Variants in BDH1 observed in about 807,000 individuals in gnomAD.
BDH1 encodes 3-hydroxybutyrate dehydrogenase 1, also known as D-beta-hydroxybutyrate dehydrogenase, mitochondrial.
In BDH1, 30 loss-of-function variants were observed where a neutral mutation model predicts 33.1. The ratio of observed to expected loss-of-function variants is 0.91; its 90% CI spans 0.68 to 1.23. The LOEUF (loss-of-function observed/expected upper bound fraction) is 1.23. Among genes scored for constraint, BDH1 ranks in the 50% most tolerant of loss-of-function variants. The pLI is 0.00. For synonymous variants in BDH1, 190 were observed against 183.6 expected, an observed-to-expected ratio of 1.03 and a Z score of -0.28; for missense variants, 443 against 464.4, an observed-to-expected ratio of 0.95 and a Z score of 0.42.
intron 2 of BDH1, among the ~76,000 whole-genome samples, chr3:197,551,523 G>A (rs759010829): frequency 2.0e-5 from 3 of 152,118 alleles, no homozygotes; most frequent in Non-Finnish European, 4.4e-5. Context: ...AAAAAGTGCT[G>A]GAACCAACAT....
At chr3:197,538,035 G>C (rs1300871639) in intron 3 of BDH1, among the ~76,000 whole-genome samples, 2 of 152,168 alleles carry the variant, frequency 1.3e-5, no homozygotes, top group East Asian at 3.8e-4. Flanking sequence ...CTTGGGTCCT[G>C]AGGTCCTTAG....
At chr3:197,534,203 C>T (rs976079674) in intron 3 of BDH1, 2 of 152,210 alleles carry the variant, frequency 1.3e-5, no homozygotes, top group Non-Finnish European at 2.9e-5. Context: ...CACAAGGATC[C>T]TTCATGTTAC....
intron 1 of BDH1, among the ~76,000 whole-genome samples, chr3:197,565,892 G>A (rs1717417761): frequency 6.6e-6 from 1 of 152,198 alleles, no homozygotes; most frequent in Non-Finnish European, 1.5e-5. Context: ...GACTCTCATG[G>A]AGAACTGAAA....
At chr3:197,558,419 A>G (rs907782248), upstream of BDH1, among the ~76,000 whole-genome samples, 1 of 152,202 alleles carries the variant, frequency 6.6e-6, no homozygotes, top group South Asian at 2.1e-4. Flanking sequence ...GATATGTTCT[A>G]TGCAGCTCCT....
upstream of BDH1, among the ~76,000 whole-genome samples, chr3:197,560,467 A>G (rs1484837311): frequency 6.6e-6 from 1 of 152,194 alleles, no homozygotes; most frequent in East Asian, 1.9e-4. Context: ...TTACTAGCCA[A>G]TCAGGACAAA....
At chr3:197,550,335 G>A (rs77001513) in intron 2 of BDH1, among the ~76,000 whole-genome samples, 14,931 of 152,168 alleles carry the variant, frequency 0.098, 884 homozygotes, top group African/African-American at 0.16. Context: ...CGTCCTGAGA[G>A]ACATTCCAGT....
intron 1 of BDH1, among the ~76,000 whole-genome samples, chr3:197,568,650 T>C (rs1431882005): frequency 1.3e-5 from 2 of 152,140 alleles, no homozygotes; most frequent in Non-Finnish European, 2.9e-5. Flanking sequence ...ATTGAGTGTT[T>C]GTTTAAGCAC....
In BDH1 at chr3:197,554,544, AG is replaced by A. The variant is rs1410536857; in HGVS notation, c.-44+17del. On this transcript the variant is annotated intron_variant, in intron 2 of 7. Transcript: ENST00000392379. This position sits in a 1 kb window ranked among gnomAD's most constrained non-coding sequence, Gnocchi z 4.4. ...AGAGCCCGGCTCCAACGCCTCTTGT[AG>A]AAAGAAGGACACTGACCAGGACATT... 1 of 152,218 alleles carries A rather than the reference AG, an allele frequency of 6.6e-6. No individual in the cohort carries two copies. The allele number at this position is 152,218 out of a possible 1,614,324, so 9.4% of individuals were successfully genotyped here. A position where few individuals can be genotyped will look rare whatever the true frequency, so the allele number is the denominator to read the frequency against.
Position 197,514,025 on chromosome 3 carries a change from C to CT in BDH1, c.562+238dup, listed in dbSNP as rs1225856592. 3.9e-6 allele frequency: 2 copies of CT among 511,830 alleles called. No homozygotes were observed. The highest frequency in any genetic ancestry group is 7.4e-5 in the Admixed American group (2 of 27,012). The allele number at this position is 511,830 out of a possible 1,614,324, so 31.7% of individuals were successfully genotyped here. On this transcript the variant is annotated intron_variant, in intron 7 of 7. Transcript: ENST00000392379. This position sits in a 1 kb window ranked among gnomAD's most constrained non-coding sequence, Gnocchi z 4.2. ...GTGCAGAGTGGATGGCTGCTCAACTCTTTAAGCTTTTGCTGCATGGACCAC... is the reference window on the plus strand; with the variant it reads ...GTGCAGAGTGGATGGCTGCTCAACTCTTTTAAGCTTTTGCTGCATGGACCAC...
chr3:197,551,370 A>G (rs1716552528), intron 2 of BDH1, among the ~76,000 whole-genome samples: 1 of 152,238 alleles, frequency 6.6e-6, no homozygotes, highest in Non-Finnish European at 1.5e-5. Flanking sequence ...AATGACCTCC[A>G]GTTCCATCCA....
At position 197,522,981 on chromosome 3, in the gene BDH1, G is replaced by A. The variant is rs1713717948; in HGVS notation, c.268-200C>T. 4 of 585,048 alleles carry A rather than the reference G, an allele frequency of 6.8e-6. No homozygotes were observed. The South Asian group carries it at 7.0e-5, about 10-fold the overall frequency. The allele number at this position is 585,048 out of a possible 1,614,324, so 36.2% of individuals were successfully genotyped here. On this transcript the variant is annotated intron_variant, in intron 5 of 7. Coordinates refer to ENST00000392379, the MANE Select transcript of BDH1 (RefSeq NM_203314.3). The surrounding 1 kb of genome is among the most constrained non-coding windows in gnomAD (Gnocchi z 4.8). ...GATGACCTATCAAGCATCAAGCTAT[G>A]TGCCACAGACACAACCATGAATAGG...
rs954309952 is a variant in BDH1 at position 197,514,531 on chromosome 3, G to A, written c.410-115C>T. 1.4e-5 allele frequency: 18 copies of A among 1,242,700 alleles called. No homozygotes were observed. Among genetic ancestry groups the A allele is most frequent in the East Asian group, 5.1e-5 (2 of 39,528 alleles). 77.0% of individuals were successfully genotyped at this position (1,242,700 alleles called of 1,614,324 possible). ...CTTTCCTGTGACTTCCCAGCCTCTCGCCCAGTGCTCTCAAGAAACTTTCTA... is the reference window on the plus strand; with the variant it reads ...CTTTCCTGTGACTTCCCAGCCTCTCACCCAGTGCTCTCAAGAAACTTTCTA... On this transcript the variant is annotated intron_variant, in intron 6 of 7. Coordinates refer to ENST00000392379, the MANE Select transcript of BDH1 (RefSeq NM_203314.3). This position sits in a 1 kb window ranked among gnomAD's most constrained non-coding sequence, Gnocchi z 4.2.
Position 197,512,089 on chromosome 3 carries a change from T to G in BDH1, c.838A>C (p.Lys280Gln), listed in dbSNP as rs1711564191. 4 of 1,614,032 alleles carry G rather than the reference T, an allele frequency of 2.5e-6. No homozygotes were observed. The highest frequency in any genetic ancestry group is 3.4e-6 in the Non-Finnish European group (4 of 1,180,022). The change falls in exon 8 of 8, where the codon AAG (lysine) becomes CAG (glutamine). Residue 280 changes from lysine to glutamine, a missense_variant. By Grantham distance (53) the Lys-to-Gln change is moderately conservative. Transcript: ENST00000392379. ...CAGTAGGTCTCCATCTTGGCGATCTTTTCATCAAAGTACTTCTTGCCGTAG... is the reference window on the plus strand; with the variant it reads ...CAGTAGGTCTCCATCTTGGCGATCTGTTCATCAAAGTACTTCTTGCCGTAG... ...KDYGKKYFDE[K>Q]IAKMETYCSS...
chr3:197,543,781 T>G (rs960295589), intron 3 of BDH1, among the ~76,000 whole-genome samples: 1 of 152,052 alleles, frequency 6.6e-6, no homozygotes, highest in East Asian at 1.9e-4. Flanking sequence ...CCATGAGAGA[T>G]AAACAAGGAG....
rs764227989 is a variant in BDH1 at position 197,514,313 on chromosome 3, G to A, written c.513C>T (p.Gly171=). The A allele has an allele frequency of 5.6e-6, 9 of 1,613,832 alleles. No homozygotes were observed. Among genetic ancestry groups the A allele is most frequent in the Middle Eastern group, 1.6e-4 (1 of 6,082 alleles). The change falls in exon 7 of 8, where the codon GGC becomes GGT. Residue 171 remains glycine (G), a synonymous_variant. Coordinates refer to ENST00000392379, the MANE Select transcript of BDH1 (RefSeq NM_203314.3). The surrounding 1 kb of genome is among the most constrained non-coding windows in gnomAD (Gnocchi z 4.2). Reference sequence around the variant, plus strand: ...GAAAGGATTTCGTCATCCGCACTGTGCCCCAAAGGTTCACTTCTGCCACCT... The same window carrying A: ...GAAAGGATTTCGTCATCCGCACTGTACCCCAAAGGTTCACTTCTGCCACCT... ...YKQVAEVNLW[G]TVRMTKSFLP...
rs1282447651 is a variant in BDH1, at chr3:197,526,692, G to C, written c.268-3911C>G. 6.6e-6 allele frequency among the ~76,000 whole-genome samples: 1 copy of C among 152,146 alleles called. No homozygotes were observed. The highest frequency in any genetic ancestry group is 1.5e-5 in the Non-Finnish European group (1 of 68,040). On this transcript the variant is annotated intron_variant, in intron 5 of 7. Coordinates refer to ENST00000392379, the MANE Select transcript of BDH1 (RefSeq NM_203314.3). This position sits in a 1 kb window ranked among gnomAD's most constrained non-coding sequence, Gnocchi z 4.7. ...CAGCTCTCTCCACTGTCCACACAGG[G>C]CCAGGCAACTGTTTCCTGCCCAGGT...
chr3:197,555,034 A>C (rs1206600671), intron 1 of BDH1, among the ~76,000 whole-genome samples: 7 of 152,196 alleles, frequency 4.6e-5, no homozygotes, highest in Admixed American at 4.6e-4. Context: ...CCGCCCAGCC[A>C]AAGCCCCCTT....
At chr3:197,568,395 T>C (rs1291629944) in intron 1 of BDH1, among the ~76,000 whole-genome samples, 1 of 152,106 alleles carries the variant, frequency 6.6e-6, no homozygotes, top group East Asian at 1.9e-4. Flanking sequence ...CCCAGTATAT[T>C]ATTCTATGCT....
In BDH1 at chr3:197,525,471, C is replaced by T. The variant is rs779550629; in HGVS notation, c.268-2690G>A. Among the ~76,000 whole-genome samples the T allele has an allele frequency of 2.6e-5, 4 of 152,226 alleles. No individual in the cohort carries two copies. The highest frequency in any genetic ancestry group is 4.8e-5 in the African/African-American group (2 of 41,448). On this transcript the variant is annotated intron_variant, in intron 5 of 7. Coordinates refer to ENST00000392379, the MANE Select transcript of BDH1 (RefSeq NM_203314.3). This position sits in a 1 kb window ranked among gnomAD's most constrained non-coding sequence, Gnocchi z 4.9. The stretch of plus-strand genomic sequence containing the variant: ...CCCTGCAGTCCTCAGGGGAAACCCC[C>T]GACTCCAAGTCAGTAAACTCTTAAT...
Sources: allele counts gnomAD v4.1 joint callset (sites outside exome capture counted in the v4.1 genomes callset), GRCh38; gene constraint gnomAD v4.1.1; non-coding constraint Gnocchi (gnomAD v3.1); transcripts MANE v1.5; gene names NCBI Gene and HGNC (gene_info 2026-07-23, HGNC 2026-07-21).